SORBS2: variants seen among roughly 807,000 people sequenced by gnomAD.
SORBS2 encodes the protein sorbin and SH3 domain-containing protein 2.
SORBS2 carries 46 observed loss-of-function variants against 97.7 expected under a neutral mutation model. That is an observed-to-expected ratio of 0.47 (90% CI 0.37 to 0.60). The LOEUF (loss-of-function observed/expected upper bound fraction) is 0.60, where lower values mean the gene tolerates loss of function less well. SORBS2 is among the 20% of genes least tolerant of loss of function. The probability of loss-of-function intolerance (pLI) is 0.00; values close to 1 mark genes in which losing one functional copy is unlikely to be tolerated. For synonymous variants in SORBS2, 476 were observed against 473.4 expected, an observed-to-expected ratio of 1.01 and a Z score of -0.07; for missense variants, 1,316 against 1,282.3, an observed-to-expected ratio of 1.03 and a Z score of -0.40.
chr4:185,944,432 A>G (rs374861133), intron 1 of SORBS2, among the ~76,000 whole-genome samples: 1 of 152,230 alleles, frequency 6.6e-6, no homozygotes, highest in African/African-American at 2.4e-5. Flanking sequence ...GTAACATGTC[A>G]GTTCTAACAA....
chr4:185,757,215 A>G, intron 2 of SORBS2: 2 of 326,038 alleles, frequency 6.1e-6, no homozygotes, highest in South Asian at 6.8e-5. Context: ...ATTCTGACAT[A>G]AGATATTTAG....
At chr4:185,855,313 G>A (rs2099220167) in intron 1 of SORBS2, among the ~76,000 whole-genome samples, 1 of 152,162 alleles carries the variant, frequency 6.6e-6, no homozygotes, top group Non-Finnish European at 1.5e-5. Context: ...GTGAGACGTA[G>A]ATAAAGCTTC....
At chr4:185,724,370 T>C (rs2098540555) in intron 2 of SORBS2, among the ~76,000 whole-genome samples, 1 of 151,654 alleles carries the variant, frequency 6.6e-6, no homozygotes, top group South Asian at 2.1e-4. Context: ...AGCTAGTTAA[T>C]AGTCTTCATA....
intron 2 of SORBS2, among the ~76,000 whole-genome samples, chr4:185,651,230 C>G (rs181808695): frequency 6.6e-6 from 1 of 152,184 alleles, no homozygotes; most frequent in Non-Finnish European, 1.5e-5. Context: ...CACGAGATAC[C>G]AAGGCTCGCC....
rs73021812 is a variant in SORBS2 at position 185,905,679 on chromosome 4, G to T, written c.-338+50517C>A. Among the ~76,000 whole-genome samples the T allele has an allele frequency of 7.8e-3, 1,185 of 152,122 alleles. 19 individuals are homozygous for T. Among genetic ancestry groups the T allele is most frequent in the African/African-American group, 0.027 (1,127 of 41,498 alleles). On this transcript the variant is annotated intron_variant, in intron 1 of 20. Transcript: ENST00000284776. ...CGGTCTTACTAAGTTGCCCAGGCTG[G>T]TCTTGTACTCTTGGCCTCAAGCAAT...
At chr4:185,621,258 C>A (rs2096715527) in intron 7 of SORBS2, among the ~76,000 whole-genome samples, 1 of 152,124 alleles carries the variant, frequency 6.6e-6, no homozygotes. Flanking sequence ...AGTTAATATA[C>A]TTTTATGATC....
At chr4:185,652,719 G>T in exon 2 of SORBS2, 1 of 1,613,834 alleles carries the variant, frequency 6.2e-7, no homozygotes, top group Admixed American at 1.7e-5. Flanking sequence ...TCCTTGGGCC[G>T]GTCGACTGTC....
chr4:185,597,066 A>G (rs2096120411), intron 12 of SORBS2, among the ~76,000 whole-genome samples: 1 of 152,226 alleles, frequency 6.6e-6, no homozygotes. Flanking sequence ...TAATGTGGAT[A>G]ACTAGGAGAC....
intron 1 of SORBS2, among the ~76,000 whole-genome samples, chr4:185,832,073 T>C (rs191642090): frequency 2.0e-5 from 3 of 152,330 alleles, no homozygotes; most frequent in Admixed American, 2.0e-4. Flanking sequence ...TCAATATATT[T>C]GAAACTTACG....
chr4:185,789,066 T>C (rs1031647300), intron 1 of SORBS2, among the ~76,000 whole-genome samples: 2 of 152,234 alleles, frequency 1.3e-5, no homozygotes, highest in African/African-American at 2.4e-5. Flanking sequence ...ACACCTGCGC[T>C]CTGGACTCCA....
intron 2 of SORBS2, among the ~76,000 whole-genome samples, chr4:185,729,165 C>T (rs2098593583): frequency 6.6e-6 from 1 of 152,216 alleles, no homozygotes; most frequent in Non-Finnish European, 1.5e-5. Flanking sequence ...TTCTTATTTC[C>T]CACTTTCCTT....
chr4:185,680,949 A>T (rs1302461463), intron 2 of SORBS2, among the ~76,000 whole-genome samples: 1 of 152,144 alleles, frequency 6.6e-6, no homozygotes, highest in East Asian at 1.9e-4. Flanking sequence ...CACTGGGCCC[A>T]GGGATTTCCA....
chr4:185,762,868 A>G (rs2098907919), intron 2 of SORBS2, among the ~76,000 whole-genome samples: 1 of 152,216 alleles, frequency 6.6e-6, no homozygotes, highest in Admixed American at 6.5e-5. Flanking sequence ...TGGCATATTC[A>G]GTATTTTTAG....
rs1444443857 is a variant in SORBS2 at position 185,623,811 on chromosome 4, G to C, written c.1318C>G (p.Leu440Val). Residue 440 changes from leucine (L) to valine (V), a missense_variant, in exon 7 of 15, where the codon CTA becomes GTA. Leu to Val is a conservative substitution (Grantham distance 32). Coordinates refer to ENST00000418609, the Ensembl canonical transcript of SORBS2. The surrounding 1 kb of genome is among the most constrained non-coding windows in gnomAD (Gnocchi z 6.4). ...CATAGGCCATTTTGCGGTGGTTCTAGGGTTACGGGAGACAGCATGTCATCC... is the reference window on the plus strand; with the variant it reads ...CATAGGCCATTTTGCGGTGGTTCTACGGTTACGGGAGACAGCATGTCATCC... 7 of 1,614,190 alleles carry C rather than the reference G, an allele frequency of 4.3e-6. No homozygotes were observed. Among genetic ancestry groups the C allele is most frequent in the Non-Finnish European group, 5.9e-6 (7 of 1,180,040 alleles).
At chr4:185,831,470 A>T (rs1314162345) in intron 1 of SORBS2, among the ~76,000 whole-genome samples, 1 of 152,184 alleles carries the variant, frequency 6.6e-6, no homozygotes, top group Non-Finnish European at 1.5e-5. Flanking sequence ...TGAATCCTTT[A>T]TTTGTTTCCT....
Position 185,839,448 on chromosome 4 carries a change from G to A in SORBS2, c.-337-64082C>T, listed in dbSNP as rs28429008. 1.9e-3 allele frequency among the ~76,000 whole-genome samples: 288 copies of A among 152,216 alleles called. 2 individuals are homozygous for A. Among genetic ancestry groups the A allele is most frequent in the African/African-American group, 6.7e-3 (279 of 41,542 alleles). On this transcript the variant is annotated intron_variant, in intron 1 of 20. Transcript: ENST00000284776. ...GACAATGACCCTGGCCCCAGGGGTC[G>A]GTCCAGTAGGAGGGCTGCAAGGGAT...
chr4:185,816,014 G>A (rs2099193071), intron 1 of SORBS2, among the ~76,000 whole-genome samples: 1 of 152,216 alleles, frequency 6.6e-6, no homozygotes, highest in African/African-American at 2.4e-5. Flanking sequence ...AAGTTAATAA[G>A]TTATGGAGTA....
At chr4:185,869,490 C>G (rs536637427) in intron 1 of SORBS2, among the ~76,000 whole-genome samples, 3 of 152,224 alleles carry the variant, frequency 2.0e-5, no homozygotes, top group Non-Finnish European at 4.4e-5. Context: ...TTGGCTCCTA[C>G]CAGATGGCTG....
intron 2 of SORBS2, among the ~76,000 whole-genome samples, chr4:185,688,602 CATCT>C (rs760530707): frequency 1.5e-3 from 235 of 152,090 alleles, no homozygotes; most frequent in Non-Finnish European, 2.7e-3. Flanking sequence ...CCACTTTATT[CATCT>C]ATCTATCTAT....
Sources: allele counts gnomAD v4.1 joint callset (sites outside exome capture counted in the v4.1 genomes callset), GRCh38; gene constraint gnomAD v4.1.1; non-coding constraint Gnocchi (gnomAD v3.1); transcripts MANE v1.5; gene names NCBI Gene and HGNC (gene_info 2026-07-23, HGNC 2026-07-21).